Variants in TRIM9 observed in about 807,000 individuals in gnomAD.
TRIM9 encodes the protein tripartite motif containing 9.
In TRIM9, 26 loss-of-function variants were observed where a neutral mutation model predicts 78.3. That is an observed-to-expected ratio of 0.33 (90% confidence interval 0.24 to 0.46). The LOEUF is 0.46. Among genes scored for constraint, TRIM9 ranks in the 20% least tolerant of loss-of-function variants. The pLI is 1.00. For missense variants in TRIM9, 787 were observed against 1,036.4 expected (o/e 0.76, Z 3.30); for synonymous variants, 398 against 416.5 (o/e 0.96, Z 0.54).
At chr14:51,070,101 TG>T (rs144995702) in intron 1 of TRIM9, among the ~76,000 whole-genome samples, 17 of 152,336 alleles carry the variant, frequency 1.1e-4, no homozygotes, top group Middle Eastern at 3.4e-3. Flanking sequence ...TTTTTCATTT[TG>T]GTGCTTTTTG....
chr14:51,017,163 A>G (rs957801793), intron 3 of TRIM9, among the ~76,000 whole-genome samples: 1 of 152,214 alleles, frequency 6.6e-6, no homozygotes, highest in African/African-American at 2.4e-5. Flanking sequence ...CATTTAACTT[A>G]AAAAAGAGCA....
rs147528947 is a variant in TRIM9, at chr14:51,072,655, CTTTTTT to C, written c.822+21457_822+21462del. Among the ~76,000 whole-genome samples, 324 of 149,360 alleles carry C rather than the reference CTTTTTT, an allele frequency of 2.2e-3. 1 individual carries two copies. Among genetic ancestry groups the C allele is most frequent in the African/African-American group, 7.0e-3 (288 of 41,072 alleles). On this transcript the variant is annotated intron_variant, in intron 1 of 12. Coordinates refer to ENST00000684578, the MANE Select transcript of TRIM9 (RefSeq NM_001387360.1). ...GAGGTTATTGAGTTTCAATTTATTA[CTTTTTT>C]TTTTTTTACTTAGAGACTATTTGAA...
intron 3 of TRIM9, among the ~76,000 whole-genome samples, chr14:51,022,532 A>G (rs1345888187): frequency 6.6e-6 from 1 of 152,208 alleles, no homozygotes; most frequent in Non-Finnish European, 1.5e-5. Context: ...CTTGTTTATT[A>G]TTTGTCCCTC....
chr14:50,978,051 C>T (rs984686715), intron 12 of TRIM9, among the ~76,000 whole-genome samples: 6 of 151,956 alleles, frequency 3.9e-5, no homozygotes, highest in African/African-American at 1.2e-4. Context: ...TTCTGAGACT[C>T]GCTTCTAGGG....
At chr14:51,019,733 A>G (rs149907413) in intron 3 of TRIM9, among the ~76,000 whole-genome samples, 1 of 152,340 alleles carries the variant, frequency 6.6e-6, no homozygotes, top group Non-Finnish European at 1.5e-5. Context: ...GCAATGCCCT[A>G]TGAGGTACCA....
chr14:50,991,393 C>A (rs1453150395), intron 7 of TRIM9, among the ~76,000 whole-genome samples: 1 of 152,132 alleles, frequency 6.6e-6, no homozygotes, highest in Non-Finnish European at 1.5e-5. Flanking sequence ...TATCATTATG[C>A]CTCTCACCTT....
intron 7 of TRIM9, among the ~76,000 whole-genome samples, chr14:50,995,282 A>C (rs188883786): frequency 1.3e-5 from 2 of 152,170 alleles, no homozygotes; most frequent in Non-Finnish European, 2.9e-5. Flanking sequence ...TTCAGTGTTT[A>C]TCACAATGTG....
At position 51,000,816 on chromosome 14, in the gene TRIM9, G is replaced by A. The variant is rs777295762; in HGVS notation, c.1331C>T (p.Pro444Leu). 1 of 1,614,204 alleles carries A rather than the reference G, an allele frequency of 6.2e-7. No individual in the cohort carries two copies. Among genetic ancestry groups the A allele is most frequent in the Non-Finnish European group, 8.5e-7 (1 of 1,180,022 alleles). The part of the protein sequence containing the change: ...VKASSPVPAT[P>L]ILQLEECCTH... ...ACAACATTCCTCCAGCTGTAGGATAGGGGTTGCTGGGACTGGAGAGGAAGC... is the reference window on the plus strand; with the variant it reads ...ACAACATTCCTCCAGCTGTAGGATAAGGGTTGCTGGGACTGGAGAGGAAGC... The change falls in exon 6 of 13, where the codon CCT (proline) becomes CTT (leucine). Residue 444 changes from proline (P) to leucine (L), a missense_variant. This residue lies in a region of TRIM9 where 421 missense variants were observed against 514.3 expected (regional missense o/e 0.82). Transcript: ENST00000684578.
intron 1 of TRIM9, among the ~76,000 whole-genome samples, chr14:51,074,871 G>A (rs937633092): frequency 2.0e-5 from 3 of 152,220 alleles, no homozygotes; most frequent in African/African-American, 7.2e-5. Flanking sequence ...GTAAAATGAG[G>A]GGAATGAAAG....
At chr14:50,987,210 T>A (rs1218471815) in intron 7 of TRIM9, among the ~76,000 whole-genome samples, 1 of 152,212 alleles carries the variant, frequency 6.6e-6, no homozygotes, top group African/African-American at 2.4e-5. Flanking sequence ...AGAGGGTATT[T>A]CCGTGAATTT....
At chr14:51,027,278 G>C (rs1325058793) in intron 1 of TRIM9, among the ~76,000 whole-genome samples, 1 of 151,454 alleles carries the variant, frequency 6.6e-6, no homozygotes, top group East Asian at 1.9e-4. Context: ...CGAATAGCTG[G>C]GATTACAGCC....
intron 1 of TRIM9, among the ~76,000 whole-genome samples, chr14:51,045,991 T>C (rs1402721951): frequency 6.6e-6 from 1 of 152,010 alleles, no homozygotes; most frequent in African/African-American, 2.4e-5. Flanking sequence ...AACGAACCAG[T>C]GCAACACACA....
In TRIM9 at chr14:51,092,610, GA is replaced by G. The variant is rs758053628; in HGVS notation, c.822+1507del. On this transcript the variant is annotated intron_variant, in intron 1 of 12. Coordinates refer to ENST00000684578, the MANE Select transcript of TRIM9 (RefSeq NM_001387360.1). ...AAGAAAAGCTCCTTCCAACCATCCT[GA>G]ATCCCTGCCCTGCACTCCACAGCCC... Among the ~76,000 whole-genome samples, 4 of 152,192 alleles carry G rather than the reference GA, an allele frequency of 2.6e-5. No individual in the cohort carries two copies. In the South Asian group the frequency reaches 8.3e-4, roughly 32 times the overall value.
chr14:50,987,451 G>T (rs1446328699), intron 7 of TRIM9, among the ~76,000 whole-genome samples: 3 of 152,098 alleles, frequency 2.0e-5, no homozygotes, highest in African/African-American at 7.2e-5. Context: ...ACTTATCTGT[G>T]GGGGGATGAC....
intron 3 of TRIM9, among the ~76,000 whole-genome samples, chr14:51,020,707 G>T (rs1211212744): frequency 6.6e-6 from 1 of 152,240 alleles, no homozygotes; most frequent in East Asian, 1.9e-4. Context: ...TTTTCACACA[G>T]TCCTGTTCTG....
intron 12 of TRIM9, among the ~76,000 whole-genome samples, chr14:50,978,132 A>AC (rs2051303840): frequency 1.3e-5 from 2 of 151,986 alleles, no homozygotes; most frequent in Admixed American, 1.3e-4. Context: ...CTTCTAGAAA[A>AC]CCCCATCTCC....
In TRIM9 at chr14:51,053,598, T is replaced by TAA. The variant is rs1374455071; in HGVS notation, c.823-28239_823-28238insTT. Among the ~76,000 whole-genome samples the TAA allele has an allele frequency of 2.7e-3, 352 of 129,674 alleles. 4 individuals are homozygous for TAA. The highest frequency in any genetic ancestry group is 0.011 in the African/African-American group (330 of 31,096). The allele number at this position is 129,674 out of a possible 152,430, so 85.1% of individuals were successfully genotyped here. On this transcript the variant is annotated intron_variant, in intron 1 of 12. Coordinates refer to ENST00000684578, the MANE Select transcript of TRIM9 (RefSeq NM_001387360.1). Reference sequence around the variant, plus strand: ...TAATTTTCTTTTTTTTTTTTTAATTTTTTTTTTTTTTATTATACTCTAAGT... The same window carrying TAA: ...TAATTTTCTTTTTTTTTTTTTAATTTAATTTTTTTTTTTATTATACTCTAAGT...
intron 1 of TRIM9, 27 bp from the exon 2 acceptor site, chr14:51,025,387 G>C: frequency 6.2e-7 from 1 of 1,610,968 alleles, no homozygotes; most frequent in South Asian, 1.1e-5. Flanking sequence ...GGAAGCCATG[G>C]AGCTGTAATC....
chr14:51,086,720 G>A (rs1178752333), intron 1 of TRIM9, among the ~76,000 whole-genome samples: 1 of 152,182 alleles, frequency 6.6e-6, no homozygotes. Flanking sequence ...AGCTGAACAG[G>A]TGACAGGGCT....
Sources: allele counts gnomAD v4.1 joint callset (sites outside exome capture counted in the v4.1 genomes callset), GRCh38; gene constraint gnomAD v4.1.1; regional missense constraint gnomAD v4.1.1; transcripts MANE v1.5; gene names NCBI Gene and HGNC (gene_info 2026-07-23, HGNC 2026-07-21).